The following PTAR1 variants were observed in gnomAD, a reference collection of about 807,000 sequenced individuals.
PTAR1 encodes the protein protein prenyltransferase alpha subunit repeat containing 1.
In PTAR1, 17 loss-of-function variants were observed where a neutral mutation model predicts 45.5. That is an observed-to-expected ratio of 0.37 (90% CI 0.26 to 0.56). PTAR1 has a LOEUF of 0.56. PTAR1 is among the 20% of genes least tolerant of loss of function. PTAR1 has a pLI of 0.77. For synonymous variants in PTAR1, 169 were observed against 171.3 expected (o/e 0.99, Z 0.11); for missense variants, 391 against 476.3 (o/e 0.82, Z 1.67).
At position 69,718,224 on chromosome 9, in the gene PTAR1, TA is replaced by T; in HGVS notation, c.*117del. ...AAAGATTTACTATGGACTTTCAACC[TA>T]AAGACGAAGAACATATGGTTAGCCA... On this transcript the variant is annotated 3_prime_UTR_variant, in exon 8 of 8. Transcript: ENST00000340434. 1 of 655,682 alleles carries T rather than the reference TA, an allele frequency of 1.5e-6. No homozygotes were observed. The highest frequency in any genetic ancestry group is 2.5e-6 in the Non-Finnish European group (1 of 401,858). 40.6% of individuals were successfully genotyped at this position (655,682 alleles called of 1,614,324 possible).
In PTAR1 at chr9:69,741,520, A is replaced by AC. The variant is rs983325586; in HGVS notation, c.323+271dup. 271 of 348,070 alleles carry AC rather than the reference A, an allele frequency of 7.8e-4. 1 individual carries two copies. The highest frequency in any genetic ancestry group is 1.3e-3 in the Non-Finnish European group (236 of 187,604). The allele number at this position is 348,070 out of a possible 1,614,324, so 21.6% of individuals were successfully genotyped here. ...TATGCCCATTGCCCATTAGTCTCCC[A>AC]CCCCAAAAAATGAAGGAAAATAAAA... is the stretch of plus-strand genomic sequence containing the variant. On this transcript the variant is annotated intron_variant, in intron 3 of 7. Transcript: ENST00000340434.
chr9:69,733,423 A>C (rs186806707), intron 4 of PTAR1, among the ~76,000 whole-genome samples: 30 of 152,252 alleles, frequency 2.0e-4, no homozygotes, highest in Non-Finnish European at 2.9e-5. Context: ...GGCTTAATAA[A>C]CTGAGAATTT....
At chr9:69,737,254 T>C (rs1345187028) in intron 3 of PTAR1, among the ~76,000 whole-genome samples, 3 of 151,982 alleles carry the variant, frequency 2.0e-5, no homozygotes, top group Non-Finnish European at 2.9e-5. Context: ...TAATTTTTTG[T>C]ATTTTTGGTG....
rs1052885479 is a variant in PTAR1 at position 69,713,838 on chromosome 9, T to G, written c.*4504A>C. The stretch of plus-strand genomic sequence containing the variant: ...AACTAATGGAATAATCAAAGCATCC[T>G]GCCTGCTTATATCAGTCTCTCACTG... On this transcript the variant is annotated 3_prime_UTR_variant, in exon 8 of 8. Transcript: ENST00000340434. The G allele has an allele frequency of 6.6e-6, 1 of 152,142 alleles. No homozygotes were observed. Among genetic ancestry groups the G allele is most frequent in the Admixed American group, 6.6e-5 (1 of 15,252 alleles). 9.4% of individuals were successfully genotyped at this position (152,142 alleles called of 1,614,324 possible).
rs181448952 is a variant in PTAR1, at chr9:69,751,425, C to G, written c.87-475G>C. 1.8e-3 allele frequency among the ~76,000 whole-genome samples: 278 copies of G among 151,588 alleles called. 1 individual carries two copies. Among genetic ancestry groups the G allele is most frequent in the African/African-American group, 6.4e-3 (266 of 41,310 alleles). On this transcript the variant is annotated intron_variant, in intron 1 of 7. Transcript: ENST00000340434. Reference sequence around the variant, plus strand: ...CATATGCTGACATAAAAAAAGTTGCCAAGATATATGAAATGAAAACAAAAA... The same window carrying G: ...CATATGCTGACATAAAAAAAGTTGCGAAGATATATGAAATGAAAACAAAAA...
intron 5 of PTAR1, among the ~76,000 whole-genome samples, chr9:69,728,321 G>A (rs1432863330): frequency 6.6e-6 from 1 of 152,028 alleles, no homozygotes; most frequent in African/African-American, 2.4e-5. Context: ...GTCATATATG[G>A]TAATGCATGT....
intron 5 of PTAR1, 38 bp from the exon 6 acceptor site, chr9:69,723,668 C>A: frequency 1.4e-6 from 2 of 1,463,316 alleles, no homozygotes; most frequent in South Asian, 2.5e-5. Context: ...AAGAAGAGTT[C>A]CCAAAGGTTC....
At chr9:69,748,273 G>A (rs950642500) in intron 2 of PTAR1, among the ~76,000 whole-genome samples, 1 of 152,068 alleles carries the variant, frequency 6.6e-6, no homozygotes, top group Admixed American at 6.6e-5. Flanking sequence ...TTGCACCAGA[G>A]AGCTCTGTCC....
At position 69,723,137 on chromosome 9, in the gene PTAR1, T is replaced by TG. The variant is rs1434581679; in HGVS notation, c.947+188_947+189insC. On this transcript the variant is annotated intron_variant, in intron 6 of 7. Transcript: ENST00000340434. ...GAGATCTACATGAGGAATCTCTTATTAATGATGATGATGATGATGATGACG... is the reference window on the plus strand; with the variant it reads ...GAGATCTACATGAGGAATCTCTTATTGAATGATGATGATGATGATGATGACG... Among the ~76,000 whole-genome samples the TG allele has an allele frequency of 7.1e-3, 25 of 3,536 alleles. No individual in the cohort carries two copies. In the Admixed American group the frequency reaches 0.12, roughly 16 times the overall value. The allele number at this position is 3,536 out of a possible 152,430, so 2.3% of individuals were successfully genotyped here.
chr9:69,745,995 T>C (rs909476772), intron 2 of PTAR1, among the ~76,000 whole-genome samples: 6 of 152,214 alleles, frequency 3.9e-5, no homozygotes, highest in African/African-American at 1.2e-4. Flanking sequence ...AATCTTCGAA[T>C]TTAAAACATC....
chr9:69,718,616 G>A, intron 7 of PTAR1, 34 bp downstream of exon 7: 1 of 1,613,142 alleles, frequency 6.2e-7, no homozygotes. Flanking sequence ...GCTGTCTGCA[G>A]GTGACAACTG....
intron 2 of PTAR1, among the ~76,000 whole-genome samples, chr9:69,742,884 G>T (rs1826104472): frequency 6.6e-6 from 1 of 152,044 alleles, no homozygotes; most frequent in South Asian, 2.1e-4. Context: ...ATTTATGACA[G>T]AATTCCTATA....
In PTAR1 at chr9:69,741,840, C is replaced by T. The variant is rs758664175; in HGVS notation, c.275G>A (p.Cys92Tyr). The T allele has an allele frequency of 4.4e-6, 7 of 1,595,948 alleles. No individual in the cohort carries two copies. Among genetic ancestry groups the T allele is most frequent in the South Asian group, 1.1e-5 (1 of 88,244 alleles). ...GTCTGGGTTTAGAAGCAGCAGGGTACATGTGACATCTATCAATTCTAAAAT... is the reference window on the plus strand; with the variant it reads ...GTCTGGGTTTAGAAGCAGCAGGGTATATGTGACATCTATCAATTCTAAAAT... ...LNRDELIDVT[C>Y]TLLLLNPDFT... is the part of the protein sequence containing the mutation. The change falls in exon 3 of 8, where the codon TGT becomes TAT. Residue 92 changes from cysteine to tyrosine, a missense_variant. Cys to Tyr is a radical substitution (Grantham distance 194). Around this residue, in one of 5 missense-constraint regions of PTAR1, gnomAD observed 152 missense variants for 160.0 expected, o/e 0.95. Coordinates refer to ENST00000340434, the MANE Select transcript of PTAR1 (RefSeq NM_001099666.2).
intron 6 of PTAR1, among the ~76,000 whole-genome samples, chr9:69,722,069 T>C (rs12351063): frequency 0.015 from 2,218 of 152,300 alleles, 55 homozygotes; most frequent in African/African-American, 0.051. Flanking sequence ...TCTCTACTAA[T>C]GAAGGTGCCA....
At chr9:69,732,713 G>A (rs1267457369) in intron 4 of PTAR1, among the ~76,000 whole-genome samples, 1 of 152,058 alleles carries the variant, frequency 6.6e-6, no homozygotes, top group Non-Finnish European at 1.5e-5. Flanking sequence ...ATAAATTAAT[G>A]GCTGATAAAT....
rs537831014 is a variant in PTAR1 at position 69,739,088 on chromosome 9, G to A, written c.323+2704C>T. On this transcript the variant is annotated intron_variant, in intron 3 of 7. Coordinates refer to ENST00000340434, the MANE Select transcript of PTAR1 (RefSeq NM_001099666.2). ...CCCAAAGTGCTGGGATTACAGGCGT[G>A]AGCCACCATGCCCGGCCAAATACCT... is the stretch of plus-strand genomic sequence containing the variant. Among the ~76,000 whole-genome samples, 35 of 152,282 alleles carry A rather than the reference G, an allele frequency of 2.3e-4. 1 individual carries two copies. The highest frequency in any genetic ancestry group is 5.8e-4 in the East Asian group (3 of 5,180).
chr9:69,741,769 T>G (rs543047638), intron 3 of PTAR1, 23 bp downstream of exon 3: 2 of 1,530,772 alleles, frequency 1.3e-6, no homozygotes, highest in East Asian at 4.6e-5. Flanking sequence ...AACTTTATCA[T>G]ATCACTAATG....
rs200566470 is a variant in PTAR1 at position 69,715,075 on chromosome 9, G to A, written c.*3267C>T. 2 of 151,988 alleles carry A rather than the reference G, an allele frequency of 1.3e-5. No individual in the cohort carries two copies. Among genetic ancestry groups the A allele is most frequent in the East Asian group, 1.9e-4 (1 of 5,186 alleles). The allele number at this position is 151,988 out of a possible 1,614,324, so 9.4% of individuals were successfully genotyped here. A position where few individuals can be genotyped will look rare whatever the true frequency, so the allele number is the denominator to read the frequency against. Reference sequence around the variant, plus strand: ...GTATCACAAATGAACAGAAAGTGGTGTTCTTAATGCAAGTGGGTTCTTTAG... The same window carrying A: ...GTATCACAAATGAACAGAAAGTGGTATTCTTAATGCAAGTGGGTTCTTTAG... On this transcript the variant is annotated 3_prime_UTR_variant, in exon 8 of 8. Coordinates refer to ENST00000340434, the MANE Select transcript of PTAR1 (RefSeq NM_001099666.2).
At position 69,710,601 on chromosome 9, in the gene PTAR1, A is replaced by T. The variant is rs1824487251; in HGVS notation, c.*7741T>A. 6.6e-6 allele frequency: 1 copy of T among 152,146 alleles called. No individual in the cohort carries two copies. The highest frequency in any genetic ancestry group is 1.5e-5 in the Non-Finnish European group (1 of 68,020). 9.4% of individuals were successfully genotyped at this position (152,146 alleles called of 1,614,324 possible). A position where few individuals can be genotyped will look rare whatever the true frequency, so the allele number is the denominator to read the frequency against. Reference sequence around the variant, plus strand: ...AAATTCATTCTTATCTCTCTGAAAGATATGCATTTTAAGGGTAAAAAGAAT... The same window carrying T: ...AAATTCATTCTTATCTCTCTGAAAGTTATGCATTTTAAGGGTAAAAAGAAT... On this transcript the variant is annotated 3_prime_UTR_variant, in exon 8 of 8. Coordinates refer to ENST00000340434, the MANE Select transcript of PTAR1 (RefSeq NM_001099666.2).
Sources: allele counts gnomAD v4.1 joint callset (sites outside exome capture counted in the v4.1 genomes callset), GRCh38; gene constraint gnomAD v4.1.1; regional missense constraint gnomAD v4.1.1; transcripts MANE v1.5; gene names NCBI Gene and HGNC (gene_info 2026-07-23, HGNC 2026-07-21).